The following TMEM67 variants were observed in gnomAD, a reference collection of about 807,000 sequenced individuals.
TMEM67 encodes the protein meckelin.
TMEM67 carries 124 observed loss-of-function variants against 136.6 expected under a neutral mutation model. That is an observed-to-expected ratio of 0.91 (90% CI 0.78 to 1.05). TMEM67 has a LOEUF of 1.05. Among genes scored for constraint, TMEM67 ranks in the 50% least tolerant of loss-of-function variants. The pLI, the probability that TMEM67 is intolerant of heterozygous loss-of-function variation, is 0.00. For missense variants in TMEM67, 1,107 were observed against 1,178.4 expected (o/e 0.94, Z 0.89); for synonymous variants, 364 against 390.5 (o/e 0.93, Z 0.80).
At chr8:93,822,257 A>G (rs1809052038), downstream of TMEM67, among the ~76,000 whole-genome samples, 1 of 152,246 alleles carries the variant, frequency 6.6e-6, no homozygotes, top group Non-Finnish European at 1.5e-5. Flanking sequence ...CAACCTTGTT[A>G]GTCATAAGAA....
chr8:93,776,617 T>G (rs1813553390), intron 7 of TMEM67, among the ~76,000 whole-genome samples: 1 of 152,206 alleles, frequency 6.6e-6, no homozygotes, highest in African/African-American at 2.4e-5. Flanking sequence ...AATTATGTGG[T>G]TTTTGTCATT....
intron 7 of TMEM67, among the ~76,000 whole-genome samples, chr8:93,774,802 TA>T (rs1340741014): frequency 6.6e-6 from 1 of 152,234 alleles, no homozygotes; most frequent in African/African-American, 2.4e-5. Context: ...CTATTGTGAA[TA>T]GTGCCGCAAT....
chr8:93,786,342 C>G lies in TMEM67; in HGVS notation c.1408C>G (p.Leu470Val). 1 of 1,613,678 alleles carries G rather than the reference C, an allele frequency of 6.2e-7. No individual in the cohort carries two copies. The highest frequency in any genetic ancestry group is 8.5e-7 in the Non-Finnish European group (1 of 1,179,766). Residue 470 changes from leucine to valine, a missense_variant, in exon 13 of 28, where the codon CTG becomes GTG. This residue lies in a region of TMEM67 where 925 missense variants were observed against 1,002.4 expected (regional missense o/e 0.92). Coordinates refer to ENST00000453321, the MANE Select transcript of TMEM67 (RefSeq NM_153704.6). ...RVIRVATQISLSVHLVPNTIN... is the reference protein window; with the variant it reads ...RVIRVATQISVSVHLVPNTIN... The stretch of plus-strand genomic sequence containing the variant: ...AATTCGAGTTGCTACTCAAATATCA[C>G]TGAGGTAAACAAATGTCTAATGATA...
intron 27 of TMEM67, 39 bp downstream of exon 27, chr8:93,815,486 C>T: frequency 6.5e-7 from 1 of 1,549,312 alleles, no homozygotes. Context: ...CCTTCATTTT[C>T]TTGAGAGAAA....
chr8:93,765,209 TTTAC>T (rs1813028319), intron 4 of TMEM67, among the ~76,000 whole-genome samples, 193 bp from the exon 5 acceptor site: 1 of 152,186 alleles, frequency 6.6e-6, no homozygotes, highest in Non-Finnish European at 1.5e-5. Context: ...ATTGATTAGT[TTTAC>T]TTACTTTATA....
At chr8:93,820,069 A>G (rs1157355422), downstream of TMEM67, among the ~76,000 whole-genome samples, 1 of 152,048 alleles carries the variant, frequency 6.6e-6, no homozygotes, top group African/African-American at 2.4e-5. Context: ...AATTATTCCA[A>G]CGAGCCGATC....
chr8:93,791,071 A>G (rs772508979), intron 14 of TMEM67, 192 bp from the exon 15 acceptor site: 1 of 528,420 alleles, frequency 1.9e-6, no homozygotes, highest in Non-Finnish European at 3.4e-6. Flanking sequence ...GTGAAAGGAT[A>G]TTTAAAGCAG....
intron 7 of TMEM67, among the ~76,000 whole-genome samples, chr8:93,779,964 A>G (rs1813737772): frequency 6.6e-6 from 1 of 152,184 alleles, no homozygotes; most frequent in South Asian, 2.1e-4. Flanking sequence ...TTGTTCAGCT[A>G]TGCCCTGCTG....
chr8:93,765,193 T>G (rs1362106496), intron 4 of TMEM67, among the ~76,000 whole-genome samples: 1 of 152,204 alleles, frequency 6.6e-6, no homozygotes, highest in Admixed American at 6.5e-5. Context: ...AAAATACTCT[T>G]CTATTATTGA....
At chr8:93,795,211 C>G in intron 16 of TMEM67, 198 bp from the exon 17 acceptor site, 1 of 609,988 alleles carries the variant, frequency 1.6e-6, no homozygotes, top group Non-Finnish European at 2.9e-6. Context: ...CTACCAGGAA[C>G]GGCCAGAAAG....
intron 14 of TMEM67, among the ~76,000 whole-genome samples, chr8:93,789,888 C>T (rs919573098): frequency 6.6e-5 from 10 of 150,820 alleles, no homozygotes; most frequent in African/African-American, 1.5e-4. Context: ...CTGGCCAACA[C>T]GGTGAAACCC....
the TMEM67 span, among the ~76,000 whole-genome samples, chr8:93,830,783 C>A: frequency 6.6e-6 from 1 of 152,360 alleles, no homozygotes; most frequent in South Asian, 2.1e-4. Context: ...GCTTTTACCT[C>A]AGACAAGATG....
chr8:93,815,208 G>T, intron 26 of TMEM67, 97 bp from the exon 27 acceptor site: 1 of 751,980 alleles, frequency 1.3e-6, no homozygotes, highest in Admixed American at 2.7e-5. Flanking sequence ...TTTCTAATGT[G>T]CTGTTTTTAA....
rs376315339 is a variant in TMEM67, at chr8:93,770,262, CCT to C, written c.652-2326_652-2325del. On this transcript the variant is annotated intron_variant, in intron 6 of 27. Transcript: ENST00000453321. ...TACGCAAACACAATGTTTTTTTCCC[CCT>C]GAGCCATTTGAAAATAAGTTGTAGA... is the stretch of plus-strand genomic sequence containing the variant. 3.8e-3 allele frequency among the ~76,000 whole-genome samples: 580 copies of C among 152,154 alleles called. 6 individuals carry two copies. The highest frequency in any genetic ancestry group is 0.014 in the African/African-American group (566 of 41,498).
In TMEM67 at chr8:93,808,947, A is replaced by G; in HGVS notation, c.2547A>G (p.Thr849=). ...AACATTATGACAGAATTCATGAGAC[A>G]CTAATAAGGGTTTGTATAAAGTACA... ...MRQHYDRIHE[T]LIRKNGPARL... Residue 849 remains threonine, a synonymous_variant, in exon 24 of 28, where the codon ACA becomes ACG. Transcript: ENST00000453321. 1.3e-6 allele frequency: 2 copies of G among 1,595,794 alleles called. No individual in the cohort carries two copies. The highest frequency in any genetic ancestry group is 1.7e-6 in the Non-Finnish European group (2 of 1,163,564).
chr8:93,796,065 CA>C, intron 18 of TMEM67, 78 bp downstream of exon 18: 1 of 971,064 alleles, frequency 1.0e-6, no homozygotes, highest in East Asian at 2.4e-5. Context: ...AAAATGCTTT[CA>C]AAAATCTTTG....
downstream of TMEM67, among the ~76,000 whole-genome samples, chr8:93,818,718 T>C (rs1365825445): frequency 1.3e-5 from 2 of 152,212 alleles, no homozygotes; most frequent in African/African-American, 4.8e-5. Flanking sequence ...TTTGCCATCA[T>C]TGAGCTTCAT....
intron 14 of TMEM67, among the ~76,000 whole-genome samples, chr8:93,788,519 G>A (rs1425326878): frequency 2.6e-5 from 4 of 152,084 alleles, no homozygotes; most frequent in Admixed American, 6.5e-5. Context: ...CCGAGATCGC[G>A]CCACTGCACT....
At chr8:93,807,244 T>G (rs190686626) in intron 23 of TMEM67, among the ~76,000 whole-genome samples, 1 of 152,226 alleles carries the variant, frequency 6.6e-6, no homozygotes, top group Admixed American at 6.5e-5. Flanking sequence ...CAAGAGCTTT[T>G]TAAGGTTCAT....
Sources: allele counts gnomAD v4.1 joint callset (sites outside exome capture counted in the v4.1 genomes callset), GRCh38; gene constraint gnomAD v4.1.1; regional missense constraint gnomAD v4.1.1; transcripts MANE v1.5; gene names NCBI Gene and HGNC (gene_info 2026-07-23, HGNC 2026-07-21).